Variants in TYW1 observed in about 807,000 individuals in gnomAD.
TYW1 encodes the protein tRNA-yW synthesizing protein 1 homolog, also known as S-adenosyl-L-methionine-dependent tRNA 4-demethylwyosine synthase TYW1.
In TYW1, 46 loss-of-function variants were observed where a neutral mutation model predicts 96.2. The ratio of observed to expected loss-of-function variants is 0.48; its 90% CI spans 0.38 to 0.61. TYW1 has a LOEUF of 0.61. Among genes scored for constraint, TYW1 ranks in the 20% least tolerant of loss-of-function variants. The pLI, the probability that TYW1 is intolerant of heterozygous loss-of-function variation, is 0.00. For synonymous variants in TYW1, 274 were observed against 323.0 expected, an observed-to-expected ratio of 0.85 and a Z score of 1.63; for missense variants, 684 against 909.6, an observed-to-expected ratio of 0.75 and a Z score of 3.19.
chr7:67,017,913 G>T lies in TYW1; in HGVS notation c.631G>T (p.Gly211Trp). The change falls in exon 6 of 16, where the codon GGG becomes TGG. Residue 211 changes from glycine to tryptophan, a missense_variant. Coordinates refer to ENST00000359626, the MANE Select transcript of TYW1 (RefSeq NM_018264.4). ...MLGAHRVMSR[G>W]EGDCDVVKSK... is the part of the protein sequence containing the mutation. ...TGGCGCGCATCGTGTGATGAGTCGA[G>T]GGGAGGGCGACTGCGACGTGGTTAA... The T allele has an allele frequency of 1.2e-6, 2 of 1,614,162 alleles. No individual in the cohort carries two copies. The highest frequency in any genetic ancestry group is 1.7e-6 in the Non-Finnish European group (2 of 1,180,024).
intron 3 of TYW1, among the ~76,000 whole-genome samples, chr7:67,002,426 T>C (rs1584449404): frequency 6.6e-6 from 1 of 152,148 alleles, no homozygotes; most frequent in Non-Finnish European, 1.5e-5. Context: ...GATTGATTCA[T>C]ATTTGGTCGT....
At chr7:67,138,108 C>T (rs1436607252) in intron 13 of TYW1, among the ~76,000 whole-genome samples, 1 of 152,174 alleles carries the variant, frequency 6.6e-6, no homozygotes, top group East Asian at 1.9e-4. Context: ...ACACCCCACA[C>T]TTCACAGAGA....
At chr7:67,172,430 C>CCTTT (rs777213368) in intron 13 of TYW1, among the ~76,000 whole-genome samples, 23 of 144,002 alleles carry the variant, frequency 1.6e-4, no homozygotes, top group African/African-American at 2.1e-4. Context: ...CCTTACCATT[C>CCTTT]TTTTTTTTGA....
intron 3 of TYW1, among the ~76,000 whole-genome samples, chr7:67,004,051 A>C (rs1288948446): frequency 8.7e-5 from 13 of 149,704 alleles, no homozygotes; most frequent in African/African-American, 2.7e-4. Context: ...CTCAAAAAAA[A>C]CAAAAAACAA....
intron 13 of TYW1, among the ~76,000 whole-genome samples, chr7:67,145,929 TTTTA>T (rs1317955859): frequency 1.3e-5 from 2 of 151,404 alleles, no homozygotes; most frequent in Admixed American, 6.6e-5. Flanking sequence ...TAAATTTTTA[TTTTA>T]TTTATTTATT....
rs1380468166 is a variant in TYW1, at chr7:67,009,615, A to G, written c.306A>G (p.Thr102=). 1.9e-6 allele frequency: 3 copies of G among 1,612,544 alleles called. No homozygotes were observed. The highest frequency in any genetic ancestry group is 2.7e-5 in the African/African-American group (2 of 74,856). Residue 102 remains threonine (T), a synonymous_variant, in exon 4 of 16, where the codon ACA becomes ACG. Transcript: ENST00000359626. ...CAACAGTTCTTGCTGAAGCAGTTAC[A>G]TCCCTGGATCTGCCTGTGGCCATTA... is the stretch of plus-strand genomic sequence containing the variant. The part of the protein sequence containing the change: ...GFATVLAEAV[T]SLDLPVAIIN...
At chr7:67,089,562 G>A (rs1406934169) in intron 11 of TYW1, 3 of 607,578 alleles carry the variant, frequency 4.9e-6, no homozygotes, top group Non-Finnish European at 8.7e-6. Flanking sequence ...CCTGCCGTCT[G>A]TCCTGGGTCT....
intron 12 of TYW1, chr7:67,114,359 C>T (rs986238301): frequency 1.3e-5 from 2 of 153,542 alleles, no homozygotes; most frequent in African/African-American, 4.8e-5. Flanking sequence ...ACCTTCTGAG[C>T]CTTGGAAGGT....
intron 15 of TYW1, among the ~76,000 whole-genome samples, chr7:67,208,927 TTTC>T (rs1391586528): frequency 6.6e-6 from 1 of 152,178 alleles, no homozygotes; most frequent in African/African-American, 2.4e-5. Context: ...ATGCGAATCA[TTTC>T]TTAATTGTAG....
intron 11 of TYW1, among the ~76,000 whole-genome samples, chr7:67,095,669 C>T (rs1363924358): frequency 4.8e-5 from 6 of 126,250 alleles, no homozygotes; most frequent in African/African-American, 1.0e-4. Context: ...AAAACAACAA[C>T]AACAACAACA....
In TYW1 at chr7:66,997,966, G is replaced by A. The variant is rs374707498; in HGVS notation, c.5-99G>A. The stretch of plus-strand genomic sequence containing the variant: ...TTAAATTAGATTTCTTAGCTGGGTT[G>A]TTGAATGTAAGGTTGGTTTTATTTT... On this transcript the variant is annotated intron_variant, in intron 1 of 15. Transcript: ENST00000359626. 4.1e-5 allele frequency: 58 copies of A among 1,414,348 alleles called. No homozygotes were observed. In the East Asian group the frequency reaches 5.0e-4, roughly 12 times the overall value. 87.6% of individuals were successfully genotyped at this position (1,414,348 alleles called of 1,614,324 possible).
intron 13 of TYW1, among the ~76,000 whole-genome samples, chr7:67,145,310 G>A (rs1462035266): frequency 1.3e-5 from 2 of 151,350 alleles, no homozygotes; most frequent in South Asian, 4.2e-4. Context: ...CAGCACGCCC[G>A]GCTAATTTTT....
intron 12 of TYW1, among the ~76,000 whole-genome samples, chr7:67,112,574 C>G (rs1359710897): frequency 1.3e-5 from 2 of 151,750 alleles, no homozygotes; most frequent in East Asian, 1.9e-4. Context: ...CAAGATCATG[C>G]CCCTGCACTC....
intron 13 of TYW1, among the ~76,000 whole-genome samples, chr7:67,144,125 A>G (rs1798530698): frequency 6.6e-6 from 1 of 152,216 alleles, no homozygotes; most frequent in Admixed American, 6.5e-5. Flanking sequence ...TAGGACTCCA[A>G]GGCCTAGATG....
intron 6 of TYW1, among the ~76,000 whole-genome samples, chr7:67,024,340 A>G (rs1794377201): frequency 6.6e-6 from 1 of 151,852 alleles, no homozygotes; most frequent in Admixed American, 6.6e-5. Flanking sequence ...AATTGTATAC[A>G]TTTTTTTGTA....
chr7:67,210,686 CCATTCGTCCATCCATCCATCCATT>C (rs143497280), intron 15 of TYW1, among the ~76,000 whole-genome samples: 39,006 of 149,452 alleles, frequency 0.26, 5,541 homozygotes, highest in African/African-American at 0.35. Flanking sequence ...GTCTATCCAT[CCATTCGTCCATCCATCCATCCATT>C]CATCATCTGT....
At chr7:67,048,719 A>G (rs1216458583) in intron 7 of TYW1, among the ~76,000 whole-genome samples, 1 of 152,218 alleles carries the variant, frequency 6.6e-6, no homozygotes, top group Non-Finnish European at 1.5e-5. Flanking sequence ...AGGAAACACA[A>G]TTATTTTTAT....
chr7:67,180,400 ATATATT>A (rs1202599983), intron 13 of TYW1, among the ~76,000 whole-genome samples: 1,617 of 111,514 alleles, frequency 0.015, 57 homozygotes, highest in African/African-American at 0.057. Context: ...ATATATATAT[ATATATT>A]TATATATATA....
At position 67,107,300 on chromosome 7, in the gene TYW1, C is replaced by T. The variant is rs554023541; in HGVS notation, c.1562+8582C>T. On this transcript the variant is annotated intron_variant, in intron 12 of 15. Transcript: ENST00000359626. ...ATAGAAGTTTCAGTAGAAGTAAATA[C>T]GGCCTGATACTTTCAATAGAAGTTC... Among the ~76,000 whole-genome samples, 5 of 152,248 alleles carry T rather than the reference C, an allele frequency of 3.3e-5. No individual in the cohort carries two copies. In the East Asian group the frequency reaches 5.8e-4, roughly 18 times the overall value.
Sources: gnomAD v4.1 joint callset for allele counts (sites outside exome capture counted in the v4.1 genomes callset) on GRCh38, gnomAD v4.1.1 for gene constraint, MANE v1.5 for transcripts, NCBI Gene and HGNC (gene_info 2026-07-23, HGNC 2026-07-21) for gene names.